Variants in DDX54 observed in about 807,000 individuals in gnomAD.
DDX54 encodes ATP-dependent RNA helicase DDX54.
In DDX54, 67 loss-of-function variants were observed where a neutral mutation model predicts 105.5. The ratio of observed to expected loss-of-function variants is 0.64; its 90% CI spans 0.52 to 0.78. DDX54 has a LOEUF of 0.78. Ranked by LOEUF, DDX54 falls within the 30% of genes least tolerant of loss-of-function variation. The probability of loss-of-function intolerance (pLI) is 0.00; values close to 1 mark genes in which losing one functional copy is unlikely to be tolerated. For synonymous variants in DDX54, 514 were observed against 509.9 expected (o/e 1.01, Z -0.11); for missense variants, 1,206 against 1,230.5 (o/e 0.98, Z 0.30).
At chr12:113,161,779 A>ACCCCCCC in intron 18 of DDX54, 114 bp downstream of exon 18, 1 of 237,010 alleles carries the variant, frequency 4.2e-6, no homozygotes, top group Non-Finnish European at 8.0e-6. Context: ...TAAGCCGCTC[A>ACCCCCCC]GCCCCGCCCC....
At chr12:113,177,124 G>A (rs1187380507) in intron 5 of DDX54, 31 bp from the exon 6 acceptor site, 9 of 1,610,454 alleles carry the variant, frequency 5.6e-6, no homozygotes, top group Non-Finnish European at 7.6e-6. Flanking sequence ...TAGCTTGATA[G>A]AACAGGTCTC....
chr12:113,164,417 A>G (rs1952249170), intron 14 of DDX54, 132 bp from the exon 15 acceptor site: 1 of 1,160,430 alleles, frequency 8.6e-7, no homozygotes, highest in Non-Finnish European at 1.2e-6. Flanking sequence ...CTTCACAATT[A>G]GATAGACAGA....
rs367588842 is a variant in DDX54, at chr12:113,165,875, C to T, written c.1572G>A (p.Pro524=). Residue 524 remains proline, a synonymous_variant, in exon 13 of 20, where the codon CCG becomes CCA. Coordinates refer to ENST00000306014, the MANE Select transcript of DDX54 (RefSeq NM_024072.4). The stretch of plus-strand genomic sequence containing the variant: ...TCTTGATGGACTCAGGCGAGGGCGC[C>T]GGGCGTGAGCGCACATACTGCTGCT... ...NAQQQYVRSR[P]APSPESIKRA... 1.8e-5 allele frequency: 29 copies of T among 1,613,512 alleles called. No individual in the cohort carries two copies. Among genetic ancestry groups the T allele is most frequent in the Admixed American group, 5.0e-5 (3 of 60,000 alleles).
At position 113,179,242 on chromosome 12, in the gene DDX54, G is replaced by C. The variant is rs753750807; in HGVS notation, c.465C>G (p.Phe155Leu). The C allele has an allele frequency of 1.2e-6, 2 of 1,614,092 alleles. No homozygotes were observed. Among genetic ancestry groups the C allele is most frequent in the Non-Finnish European group, 1.7e-6 (2 of 1,180,032 alleles). Residue 155 changes from phenylalanine (F) to leucine (L), a missense_variant, in exon 4 of 20, where the codon TTC (phenylalanine) becomes TTG (leucine). Physicochemically the swap from Phe to Leu is conservative, Grantham distance 22. Coordinates refer to ENST00000306014, the MANE Select transcript of DDX54 (RefSeq NM_024072.4). The part of the protein sequence containing the change: ...GKTACFLLPM[F>L]ERLKTHSAQT... The stretch of plus-strand genomic sequence containing the variant: ...GGGCACTGTGGGTCTTGAGCCGCTC[G>C]AACATTGGGAGGAGGAAGCAGGCTG...
chr12:113,163,327 T>A lies in DDX54; in HGVS notation c.1939-53A>T, dbSNP rs377309957. 5.8e-5 allele frequency: 90 copies of A among 1,563,508 alleles called. No individual in the cohort carries two copies. In the South Asian group the frequency reaches 9.2e-4, roughly 16 times the overall value. On this transcript the variant is annotated intron_variant, in intron 15 of 19. Coordinates refer to ENST00000306014, the MANE Select transcript of DDX54 (RefSeq NM_024072.4). The surrounding 1 kb of genome is among the most constrained non-coding windows in gnomAD (Gnocchi z 5.9). Reference sequence around the variant, plus strand: ...GTCATGCCTGCTGCCCCCTGGGGACTTCCCCCTGCCTCCCTACCCACCAGC... The same window carrying A: ...GTCATGCCTGCTGCCCCCTGGGGACATCCCCCTGCCTCCCTACCCACCAGC...
intron 12 of DDX54, among the ~76,000 whole-genome samples, chr12:113,166,376 C>T (rs1231297693): frequency 1.3e-5 from 2 of 151,902 alleles, no homozygotes. Context: ...CCCACAGAGC[C>T]TAGAATATGT....
intron 7 of DDX54, among the ~76,000 whole-genome samples, chr12:113,175,943 A>G (rs923895773): frequency 2.0e-5 from 3 of 152,014 alleles, no homozygotes; most frequent in African/African-American, 7.2e-5. Context: ...ACAGAGCAAG[A>G]CCCTGTCACC....
At chr12:113,185,244 G>C in intron 1 of DDX54, 34 bp downstream of exon 1, 1 of 1,470,238 alleles carries the variant, frequency 6.8e-7, no homozygotes, top group Non-Finnish European at 9.0e-7. Flanking sequence ...CCGGGTCTCG[G>C]GCCCGAACAT....
At position 113,180,024 on chromosome 12, in the gene DDX54, G is replaced by A. The variant is rs187614166; in HGVS notation, c.305-19C>T. ...CTCAGGCCTGGGAGAGACATGAAAC[G>A]GTCAGGGGGCCGAGGGAGTCCCCAC... On this transcript the variant is annotated intron_variant, in intron 2 of 19. Coordinates refer to ENST00000306014, the MANE Select transcript of DDX54 (RefSeq NM_024072.4). The A allele has an allele frequency of 3.9e-3, 6,349 of 1,613,956 alleles. 205 individuals carry two copies. The Admixed American group carries it at 0.069, about 17-fold the overall frequency.
At chr12:113,178,801 C>A (rs1038026575) in intron 5 of DDX54, among the ~76,000 whole-genome samples, 176 bp downstream of exon 5, 1 of 152,184 alleles carries the variant, frequency 6.6e-6, no homozygotes, top group African/African-American at 2.4e-5. Context: ...CCTCGGCCTC[C>A]CAGAGTGCTG....
intron 5 of DDX54, among the ~76,000 whole-genome samples, chr12:113,177,821 C>T (rs1593007511): frequency 2.6e-5 from 4 of 152,310 alleles, no homozygotes; most frequent in Admixed American, 2.6e-4. Flanking sequence ...TCACTTTGCC[C>T]ATCTGTAAAA....
chr12:113,164,471 G>C (rs1226885928), intron 14 of DDX54, among the ~76,000 whole-genome samples, 186 bp from the exon 15 acceptor site: 1 of 151,948 alleles, frequency 6.6e-6, no homozygotes, highest in Non-Finnish European at 1.5e-5. Context: ...CCCAGCACTT[G>C]AGGAGGCTGA....
intron 1 of DDX54, among the ~76,000 whole-genome samples, chr12:113,183,012 C>T (rs939411995): frequency 8.6e-5 from 13 of 151,940 alleles, no homozygotes; most frequent in Non-Finnish European, 1.6e-4. Flanking sequence ...CACACACCAC[C>T]ATGCCTGGCT....
intron 11 of DDX54, among the ~76,000 whole-genome samples, chr12:113,171,778 C>T (rs2136320422): frequency 6.6e-6 from 1 of 152,186 alleles, no homozygotes; most frequent in South Asian, 2.1e-4. Context: ...AAAATGACGG[C>T]CATGTCATCA....
Position 113,157,286 on chromosome 12 carries a change from T to C in DDX54, c.*1591A>G, listed in dbSNP as rs1952139575. The C allele has an allele frequency of 5.2e-6, 2 of 384,106 alleles. No individual in the cohort carries two copies. The highest frequency in any genetic ancestry group is 9.5e-6 in the Non-Finnish European group (2 of 210,144). 23.8% of individuals were successfully genotyped at this position (384,106 alleles called of 1,614,324 possible). ...AGAGTAGGTCACAAACCAATGAATATGACTGATCCAGTTACAAGAAAATAA... is the reference window on the plus strand; with the variant it reads ...AGAGTAGGTCACAAACCAATGAATACGACTGATCCAGTTACAAGAAAATAA... On this transcript the variant is annotated 3_prime_UTR_variant, in exon 20 of 20. Transcript: ENST00000306014.
In DDX54 at chr12:113,164,297, A is replaced by ACAC; in HGVS notation, c.1720-15_1720-13dup. ...ATCTCAAAGATAGTCTGTGGAGGGGACACCCAGTCCTTTGCCCACTGGCCT... is the reference window on the plus strand; with the variant it reads ...ATCTCAAAGATAGTCTGTGGAGGGGACACCACCCAGTCCTTTGCCCACTGGCCT... On this transcript the variant is annotated splice_polypyrimidine_tract_variant and intron_variant, in intron 14 of 19. Coordinates refer to ENST00000306014, the MANE Select transcript of DDX54 (RefSeq NM_024072.4). 3 of 1,574,658 alleles carry ACAC rather than the reference A, an allele frequency of 1.9e-6. No homozygotes were observed. The highest frequency in any genetic ancestry group is 2.6e-6 in the Non-Finnish European group (3 of 1,163,142).
Position 113,163,021 on chromosome 12 carries a change from T to C in DDX54, c.2106A>G (p.Gly702=). The change falls in exon 17 of 20, where the codon GGA becomes GGG. Residue 702 remains glycine, a synonymous_variant. Transcript: ENST00000306014. The surrounding 1 kb of genome is among the most constrained non-coding windows in gnomAD (Gnocchi z 5.9). The part of the protein sequence containing the change: ...ERGLSISGEG[G]AFEQQAAGAV... ...CGCCAGCTGCCTGCTGCTCAAAGGCTCCCCCTTCCCCGCTGATGCTCAGGC... is the reference window on the plus strand; with the variant it reads ...CGCCAGCTGCCTGCTGCTCAAAGGCCCCCCCTTCCCCGCTGATGCTCAGGC... The C allele has an allele frequency of 6.2e-7, 1 of 1,609,096 alleles. No homozygotes were observed. The highest frequency in any genetic ancestry group is 1.1e-5 in the South Asian group (1 of 90,934).
intron 1 of DDX54, among the ~76,000 whole-genome samples, chr12:113,181,696 C>T (rs1213871595): frequency 6.6e-6 from 1 of 152,058 alleles, no homozygotes; most frequent in Non-Finnish European, 1.5e-5. Flanking sequence ...CTACCCCCGC[C>T]CCATCAGCCG....
intron 11 of DDX54, among the ~76,000 whole-genome samples, chr12:113,171,050 G>A (rs760704643): frequency 1.1e-4 from 16 of 152,146 alleles, no homozygotes; most frequent in Non-Finnish European, 1.8e-4. Flanking sequence ...TTGTCTGACC[G>A]GCACTGTTGG....
Sources: gnomAD v4.1 joint callset for allele counts (sites outside exome capture counted in the v4.1 genomes callset) on GRCh38, gnomAD v4.1.1 for gene constraint, Gnocchi (gnomAD v3.1) non-coding constraint, MANE v1.5 for transcripts, NCBI Gene and HGNC (gene_info 2026-07-23, HGNC 2026-07-21) for gene names.